Variants in KIF3C observed in about 807,000 individuals in gnomAD.
The protein encoded by KIF3C is kinesin family member 3C, also known as kinesin-like protein KIF3C.
KIF3C carries 12 observed loss-of-function variants against 67.7 expected under a neutral mutation model. The ratio of observed to expected loss-of-function variants is 0.18; its 90% CI spans 0.11 to 0.29. KIF3C has a LOEUF of 0.29. Among genes scored for constraint, KIF3C ranks in the 10% least tolerant of loss-of-function variants. The pLI is 1.00. For synonymous variants in KIF3C, 393 were observed against 426.2 expected (o/e 0.92, Z 0.96); for missense variants, 789 against 1,059.6 (o/e 0.74, Z 3.55).
intron 1 of KIF3C, among the ~76,000 whole-genome samples, chr2:25,963,198 T>TATATATATATATATA (rs56124128): frequency 7.5e-5 from 2 of 26,592 alleles, no homozygotes; most frequent in African/African-American, 5.0e-4. Flanking sequence ...ATATATATAT[T>TATATATATATATATA]TTTTTTTTTT....
intron 5 of KIF3C, chr2:25,951,428 T>C (rs1663609506): frequency 7.9e-6 from 2 of 254,230 alleles, no homozygotes; most frequent in South Asian, 4.8e-5. Context: ...TTGGCAAATA[T>C]TAACTGTGGT....
chr2:25,940,925 T>A (rs1032755216), intron 5 of KIF3C, among the ~76,000 whole-genome samples: 1 of 152,034 alleles, frequency 6.6e-6, no homozygotes, highest in South Asian at 2.1e-4. Context: ...AGTGCTGGGA[T>A]TACAGGCGTG....
chr2:25,956,258 T>A (rs1259592533), intron 2 of KIF3C, 85 bp downstream of exon 2: 1 of 969,594 alleles, frequency 1.0e-6, no homozygotes, highest in Non-Finnish European at 1.6e-6. Flanking sequence ...AGATCCAGAG[T>A]CCACCATGGT....
In KIF3C at chr2:25,959,735, C is replaced by T. The variant is rs572778701; in HGVS notation, c.1546-3291G>A. On this transcript the variant is annotated intron_variant, in intron 1 of 7. Transcript: ENST00000264712. Reference sequence around the variant, plus strand: ...GATTACAGGTGTGAGCCACTGCACCCGGCCACCTTGGGCTCTCTTTATCCC... The same window carrying T: ...GATTACAGGTGTGAGCCACTGCACCTGGCCACCTTGGGCTCTCTTTATCCC... Among the ~76,000 whole-genome samples, 9 of 152,200 alleles carry T rather than the reference C, an allele frequency of 5.9e-5. No individual in the cohort carries two copies. In the South Asian group the frequency reaches 6.2e-4, roughly 11 times the overall value.
At chr2:25,954,924 C>T (rs1292992693) in intron 3 of KIF3C, among the ~76,000 whole-genome samples, 1 of 152,142 alleles carries the variant, frequency 6.6e-6, no homozygotes, top group African/African-American at 2.4e-5. Flanking sequence ...GGGCTGGGTC[C>T]GTGGTAACTG....
At chr2:25,962,984 ATATAATATATATAATATATAATATATAAT>A (rs1664025364) in intron 1 of KIF3C, among the ~76,000 whole-genome samples, 1 of 52,094 alleles carries the variant, frequency 1.9e-5, no homozygotes, top group Non-Finnish European at 2.8e-5. Flanking sequence ...AATATATAAT[ATATAATATATATAATATATAATATATAAT>A]ATATATAATA....
intron 1 of KIF3C, among the ~76,000 whole-genome samples, chr2:25,962,984 ATATAAT>A (rs1445933837): frequency 6.1e-4 from 32 of 52,078 alleles, no homozygotes; most frequent in South Asian, 6.1e-3. Flanking sequence ...AATATATAAT[ATATAAT>A]ATATATAATA....
chr2:25,935,948 A>C (rs1663098797), intron 5 of KIF3C, among the ~76,000 whole-genome samples: 1 of 151,860 alleles, frequency 6.6e-6, no homozygotes, highest in Non-Finnish European at 1.5e-5. Context: ...TTAGCCAGGC[A>C]CGCTGGCACA....
At chr2:25,942,520 C>T (rs963402971) in intron 5 of KIF3C, among the ~76,000 whole-genome samples, 9 of 151,642 alleles carry the variant, frequency 5.9e-5, no homozygotes, top group Non-Finnish European at 1.2e-4. Flanking sequence ...AAGCGATTCT[C>T]CTGCCTCAGC....
intron 1 of KIF3C, among the ~76,000 whole-genome samples, chr2:25,961,832 C>G (rs1420872051): frequency 1.3e-5 from 2 of 152,108 alleles, no homozygotes; most frequent in Admixed American, 6.6e-5. Context: ...AGCCTGTAAT[C>G]CCAGCACTTT....
At chr2:25,936,920 A>C (rs1042680683) in intron 5 of KIF3C, among the ~76,000 whole-genome samples, 1 of 152,236 alleles carries the variant, frequency 6.6e-6, no homozygotes, top group Non-Finnish European at 1.5e-5. Context: ...CAGGTTTTGG[A>C]GTAAGGCAGA....
Position 25,950,144 on chromosome 2 carries a change from G to A in KIF3C, c.2006+1645C>T, listed in dbSNP as rs1259622165. 2.6e-5 allele frequency among the ~76,000 whole-genome samples: 4 copies of A among 151,126 alleles called. No individual in the cohort carries two copies. The East Asian group carries it at 8.0e-4, about 30-fold the overall frequency. On this transcript the variant is annotated intron_variant, in intron 5 of 7. Coordinates refer to ENST00000264712, the MANE Select transcript of KIF3C (RefSeq NM_002254.8). The stretch of plus-strand genomic sequence containing the variant: ...TGACGCCAAGTGATCCACCCGCCTC[G>A]GCCTCCCAAAATGCTGGGATTACAG...
intron 1 of KIF3C, 37 bp from the exon 2 acceptor site, chr2:25,956,481 A>G (rs1055457492): frequency 1.6e-5 from 24 of 1,499,066 alleles, no homozygotes; most frequent in Non-Finnish European, 2.1e-5. Flanking sequence ...GGGCTTTGCA[A>G]AGGGTCCACA....
rs1559555261 is a variant in KIF3C at position 25,962,914 on chromosome 2, T to TACATATAATATATA, written c.1546-6471_1546-6470insTATATATTATATGT. Among the ~76,000 whole-genome samples the TACATATAATATATA allele has an allele frequency of 5.6e-4, 31 of 54,926 alleles. 9 individuals are homozygous for TACATATAATATATA. Among genetic ancestry groups the TACATATAATATATA allele is most frequent in the Non-Finnish European group, 8.3e-4 (28 of 33,814 alleles). The allele number at this position is 54,926 out of a possible 152,430, so 36.0% of individuals were successfully genotyped here. ...AATATAAAATATATATAATATATAA[T>TACATATAATATATA]ATATATAATATATAATACATATAAT... is the stretch of plus-strand genomic sequence containing the variant. On this transcript the variant is annotated intron_variant, in intron 1 of 7. Coordinates refer to ENST00000264712, the MANE Select transcript of KIF3C (RefSeq NM_002254.8).
chr2:25,929,726 C>T (rs2090442476), intron 6 of KIF3C, among the ~76,000 whole-genome samples: 1 of 152,044 alleles, frequency 6.6e-6, no homozygotes, highest in African/African-American at 2.4e-5. Context: ...AGCAATTCTC[C>T]TGCCTCAGCC....
intron 5 of KIF3C, among the ~76,000 whole-genome samples, chr2:25,932,531 T>A (rs2090469935): frequency 6.6e-6 from 1 of 151,686 alleles, no homozygotes. Flanking sequence ...CATTTCTCAG[T>A]TTCAAAACTT....
At chr2:25,937,586 T>C (rs535556142) in intron 5 of KIF3C, among the ~76,000 whole-genome samples, 5 of 152,146 alleles carry the variant, frequency 3.3e-5, no homozygotes, top group African/African-American at 1.2e-4. Context: ...ATTAGGAAAA[T>C]GGCAACTTAT....
chr2:25,976,301 C>A (rs779294211), intron 1 of KIF3C, among the ~76,000 whole-genome samples: 2 of 152,184 alleles, frequency 1.3e-5, no homozygotes, highest in Non-Finnish European at 2.9e-5. Flanking sequence ...CAGCCAAGAA[C>A]CCCAGCTCTT....
At chr2:25,933,915 C>T (rs986625875) in intron 5 of KIF3C, 2 of 287,396 alleles carry the variant, frequency 7.0e-6, no homozygotes, top group African/African-American at 2.3e-5. Context: ...AACTTGTACA[C>T]AAATGATCAT....
Sources: gnomAD v4.1 joint callset for allele counts (sites outside exome capture counted in the v4.1 genomes callset) on GRCh38, gnomAD v4.1.1 for gene constraint, MANE v1.5 for transcripts, NCBI Gene and HGNC (gene_info 2026-07-23, HGNC 2026-07-21) for gene names.